The following LRRC4C variants were observed in gnomAD, a reference collection of about 807,000 sequenced individuals.
LRRC4C encodes the protein leucine-rich repeat-containing protein 4C.
Under a neutral mutation model 33.6 loss-of-function variants are expected in LRRC4C, and 5 were observed. That is an observed-to-expected ratio of 0.15 (90% confidence interval 0.08 to 0.31). LRRC4C has a LOEUF of 0.31. Among genes scored for constraint, LRRC4C ranks in the 10% least tolerant of loss-of-function variants. The pLI is 1.00. For missense variants in LRRC4C, 560 were observed against 796.7 expected, an observed-to-expected ratio of 0.70 and a Z score of 3.58; for synonymous variants, 329 against 302.0, an observed-to-expected ratio of 1.09 and a Z score of -0.93.
chr11:40,356,793 G>A (rs888675832), intron 3 of LRRC4C, among the ~76,000 whole-genome samples: 16 of 152,088 alleles, frequency 1.1e-4, no homozygotes, highest in Non-Finnish European at 2.2e-4. Flanking sequence ...ACATTCCCAA[G>A]CATGAGGCAG....
intron 1 of LRRC4C, among the ~76,000 whole-genome samples, chr11:41,012,728 A>G (rs1158653709): frequency 6.6e-6 from 1 of 152,074 alleles, no homozygotes. Context: ...TTTTTTCTCT[A>G]CATTCTCACC....
intron 3 of LRRC4C, among the ~76,000 whole-genome samples, chr11:40,370,002 A>AGAAGAAAAAATTATTTT (rs1375889413): frequency 2.0e-5 from 3 of 152,196 alleles, no homozygotes; most frequent in Admixed American, 6.5e-5. Flanking sequence ...GGTAGAGAGA[A>AGAAGAAAAAATTATTTT]GAAGAAAAAA....
chr11:41,009,682 T>C (rs1207130823), intron 1 of LRRC4C, among the ~76,000 whole-genome samples: 1 of 152,082 alleles, frequency 6.6e-6, no homozygotes, highest in Admixed American at 6.6e-5. Flanking sequence ...TTGCATAAAA[T>C]ACATAGTTTC....
chr11:40,577,891 A>C (rs1355034283), intron 3 of LRRC4C, among the ~76,000 whole-genome samples: 55 of 132,450 alleles, frequency 4.2e-4, no homozygotes, highest in Non-Finnish European at 7.6e-4. Flanking sequence ...GCTGGAGTGC[A>C]GTGGTGCGAT....
At chr11:40,691,979 A>G (rs1301641974) in intron 2 of LRRC4C, among the ~76,000 whole-genome samples, 2 of 152,048 alleles carry the variant, frequency 1.3e-5, no homozygotes, top group Admixed American at 6.6e-5. Flanking sequence ...ACAGAAATCT[A>G]CTTTTCTTAA....
rs191473261 is a variant in LRRC4C, at chr11:41,309,090, C to T, written c.-496+150341G>A. ...AAGTGCTGGGATTACACATCACACA[C>T]CGGGGCTCCAGAGACTTGGCTGCTG... is the stretch of plus-strand genomic sequence containing the variant. On this transcript the variant is annotated intron_variant, in intron 1 of 6. Transcript: ENST00000528697. Among the ~76,000 whole-genome samples the T allele has an allele frequency of 3.6e-3, 552 of 152,314 alleles. 19 individuals carry two copies. The highest frequency in any genetic ancestry group is 0.036 in the Admixed American group (548 of 15,304).
intron 1 of LRRC4C, among the ~76,000 whole-genome samples, chr11:41,031,315 A>G (rs557221433): frequency 2.0e-5 from 3 of 152,040 alleles, no homozygotes; most frequent in East Asian, 3.9e-4. Context: ...GGCTGTGCCA[A>G]TTCACTTCTG....
chr11:40,809,650 T>G (rs1247754763), intron 2 of LRRC4C, among the ~76,000 whole-genome samples: 2 of 152,232 alleles, frequency 1.3e-5, no homozygotes, highest in Admixed American at 1.3e-4. Flanking sequence ...TGTTTCACTA[T>G]TGAAACTTCA....
chr11:41,099,262 A>G (rs1941010661), intron 1 of LRRC4C, among the ~76,000 whole-genome samples: 1 of 152,118 alleles, frequency 6.6e-6, no homozygotes, highest in Admixed American at 6.6e-5. Flanking sequence ...AGATATACAA[A>G]GAATAGCTGA....
At chr11:41,401,763 T>G (rs1954034160) in intron 1 of LRRC4C, among the ~76,000 whole-genome samples, 1 of 151,960 alleles carries the variant, frequency 6.6e-6, no homozygotes, top group Non-Finnish European at 1.5e-5. Context: ...TGCCTTGGGT[T>G]TTCAAAGAAT....
At chr11:40,706,171 C>G (rs2136534002) in intron 2 of LRRC4C, among the ~76,000 whole-genome samples, 1 of 152,262 alleles carries the variant, frequency 6.6e-6, no homozygotes, top group South Asian at 2.1e-4. Flanking sequence ...CCTGTTCACT[C>G]TGATGGTGGT....
chr11:40,309,865 C>T (rs1220752122), intron 4 of LRRC4C, among the ~76,000 whole-genome samples: 1 of 152,146 alleles, frequency 6.6e-6, no homozygotes, highest in African/African-American at 2.4e-5. Flanking sequence ...ATATGTTTGA[C>T]TAGAGAAAGG....
At chr11:41,413,185 C>T (rs1954554074) in intron 1 of LRRC4C, among the ~76,000 whole-genome samples, 1 of 152,070 alleles carries the variant, frequency 6.6e-6, no homozygotes, top group South Asian at 2.1e-4. Flanking sequence ...ACTGTTCATA[C>T]AAGGAATGGA....
chr11:41,371,170 G>C (rs1195673542), intron 1 of LRRC4C, among the ~76,000 whole-genome samples: 1 of 152,148 alleles, frequency 6.6e-6, no homozygotes, highest in African/African-American at 2.4e-5. Context: ...CCTGAAATTG[G>C]GGTAGGGATC....
chr11:40,366,603 C>T (rs1040613038), intron 3 of LRRC4C, among the ~76,000 whole-genome samples: 1 of 151,956 alleles, frequency 6.6e-6, no homozygotes, highest in African/African-American at 2.4e-5. Context: ...ATATATAGCT[C>T]ATATATGGCA....
intron 3 of LRRC4C, among the ~76,000 whole-genome samples, chr11:40,559,642 G>C (rs1341765157): frequency 1.3e-5 from 2 of 152,160 alleles, no homozygotes; most frequent in Admixed American, 1.3e-4. Flanking sequence ...CCAACAGTGT[G>C]TAAGTGTTCC....
At chr11:41,423,177 AG>A (rs1371220955) in intron 1 of LRRC4C, among the ~76,000 whole-genome samples, 7 of 152,068 alleles carry the variant, frequency 4.6e-5, no homozygotes, top group Non-Finnish European at 1.0e-4. Flanking sequence ...GAGATTTAAC[AG>A]GGTTGGTGGA....
rs138310358 is a variant in LRRC4C, at chr11:40,752,358, A to T, written c.-406-104080T>A. On this transcript the variant is annotated intron_variant, in intron 2 of 6. Coordinates refer to ENST00000528697, the MANE Select transcript of LRRC4C (RefSeq NM_001258419.2). ...CTGCAAACTATTCATTCAACAAGGA[A>T]CTAATAATATCCAGAATATACAAGG... is the stretch of plus-strand genomic sequence containing the variant. 5.5e-4 allele frequency among the ~76,000 whole-genome samples: 83 copies of T among 152,178 alleles called. 1 individual carries two copies. The East Asian group carries it at 0.015, about 27-fold the overall frequency.
intron 1 of LRRC4C, among the ~76,000 whole-genome samples, chr11:41,392,562 CA>C (rs146954125): frequency 0.025 from 3,608 of 143,510 alleles, 114 homozygotes; most frequent in African/African-American, 0.078. Flanking sequence ...AACAAACAAA[CA>C]AAAAAAAAAA....
Sources: gnomAD v4.1 joint callset for allele counts (sites outside exome capture counted in the v4.1 genomes callset) on GRCh38, gnomAD v4.1.1 for gene constraint, MANE v1.5 for transcripts, NCBI Gene and HGNC (gene_info 2026-07-23, HGNC 2026-07-21) for gene names.